CSMD1: variants seen among roughly 807,000 people sequenced by gnomAD.
CSMD1 encodes the protein CUB and Sushi multiple domains 1, also known as CUB and sushi domain-containing protein 1.
Under a neutral mutation model 417.5 loss-of-function variants are expected in CSMD1, and 213 were observed. The observed-to-expected ratio is 0.51, with a 90% CI of 0.46 to 0.57. The LOEUF (loss-of-function observed/expected upper bound fraction) is 0.57. Among genes scored for constraint, CSMD1 ranks in the 20% least tolerant of loss-of-function variants. The probability of loss-of-function intolerance (pLI) is 0.00; values close to 1 mark genes in which losing one functional copy is unlikely to be tolerated. For missense variants in CSMD1, 6,923 were observed against 4,529.7 expected, an observed-to-expected ratio of 1.53 and a Z score of -15.17; for synonymous variants, 2,862 against 1,736.8, an observed-to-expected ratio of 1.65 and a Z score of -16.11.
At chr8:2,965,574 C>T (rs888087910) in intron 59 of CSMD1, among the ~76,000 whole-genome samples, 1 of 152,090 alleles carries the variant, frequency 6.6e-6, no homozygotes, top group Admixed American at 6.5e-5. Context: ...TTTTCCTCTA[C>T]CTCGCTATGA....
chr8:3,409,533 T>C lies in CSMD1; in HGVS notation c.1634A>G (p.His545Arg). The C allele has an allele frequency of 6.2e-7, 1 of 1,611,462 alleles. No individual in the cohort carries two copies. The highest frequency in any genetic ancestry group is 1.1e-5 in the South Asian group (1 of 90,264). Reference sequence around the variant, plus strand: ...GCATTCAAAGGTGAGTGTATCTCCATGGAGGAAACTGCTGCCCGTCCGCTT... The same window carrying C: ...GCATTCAAAGGTGAGTGTATCTCCACGGAGGAAACTGCTGCCCGTCCGCTT... ...YGKRTGSSFL[H>R]GDTLTFECPA... The change falls in exon 13 of 70, where the codon CAT becomes CGT. Residue 545 changes from histidine to arginine, a missense_variant. Transcript: ENST00000635120.
At chr8:4,909,393 C>T (rs139173261) in intron 1 of CSMD1, among the ~76,000 whole-genome samples, 1 of 152,254 alleles carries the variant, frequency 6.6e-6, no homozygotes, top group African/African-American at 2.4e-5. Context: ...GAAGCCATGA[C>T]ACCCACTAAG....
At chr8:4,427,094 C>G (rs978623823) in intron 2 of CSMD1, among the ~76,000 whole-genome samples, 40 of 152,202 alleles carry the variant, frequency 2.6e-4, no homozygotes, top group African/African-American at 8.7e-4. Context: ...GTGGCTGTGG[C>G]TCCTGGGAGG....
chr8:3,029,302 C>G lies in CSMD1; in HGVS notation c.7855+17G>C. The G allele has an allele frequency of 1.3e-6, 2 of 1,568,668 alleles. No individual in the cohort carries two copies. Among genetic ancestry groups the G allele is most frequent in the Non-Finnish European group, 1.7e-6 (2 of 1,155,792 alleles). On this transcript the variant is annotated intron_variant, in intron 51 of 69. Coordinates refer to ENST00000635120, the MANE Select transcript of CSMD1 (RefSeq NM_033225.6). ...TAGGATGCCGTGACTTTCAGGGGTG[C>G]CTCCCTCATCACTTACCTCGACAGC...
intron 1 of CSMD1, among the ~76,000 whole-genome samples, chr8:4,950,981 A>C: frequency 1.0e-5 from 1 of 98,138 alleles, no homozygotes; most frequent in African/African-American, 4.0e-5. Flanking sequence ...CAAAAACAAA[A>C]ACAAAAACAA....
chr8:4,039,773 G>A (rs1490889092), intron 3 of CSMD1, among the ~76,000 whole-genome samples: 2 of 152,290 alleles, frequency 1.3e-5, no homozygotes, highest in Middle Eastern at 3.4e-3. Context: ...GTTGTGGCAA[G>A]CATTTATAGA....
At chr8:2,985,117 T>A (rs760316619) in intron 54 of CSMD1, among the ~76,000 whole-genome samples, 36 of 152,164 alleles carry the variant, frequency 2.4e-4, no homozygotes, top group Non-Finnish European at 7.4e-5. Context: ...CGTCCCAATA[T>A]AAACTGTGAC....
chr8:4,469,260 C>T lies in CSMD1; in HGVS notation c.303-49195G>A, dbSNP rs73660880. On this transcript the variant is annotated intron_variant, in intron 2 of 69. Transcript: ENST00000635120. ...TCATAAAAGGAGCTCAGGGGTCAGG[C>T]TGCAGCAAAGACACTATGATTGTCA... Among the ~76,000 whole-genome samples the T allele has an allele frequency of 5.5e-3, 842 of 152,292 alleles. 6 individuals carry two copies. Among genetic ancestry groups the T allele is most frequent in the African/African-American group, 0.019 (807 of 41,562 alleles).
chr8:4,585,985 C>A (rs534113009), intron 2 of CSMD1, among the ~76,000 whole-genome samples: 133 of 152,220 alleles, frequency 8.7e-4, no homozygotes, highest in African/African-American at 3.2e-3. Flanking sequence ...AAAATTAATT[C>A]AAACTTTTAA....
chr8:4,082,055 T>C (rs1451253787), intron 3 of CSMD1, among the ~76,000 whole-genome samples: 1 of 152,136 alleles, frequency 6.6e-6, no homozygotes, highest in Non-Finnish European at 1.5e-5. Context: ...AAAGGCATTT[T>C]AGGGGAAAGA....
At chr8:4,821,915 T>C (rs1287756230) in intron 1 of CSMD1, among the ~76,000 whole-genome samples, 2 of 152,004 alleles carry the variant, frequency 1.3e-5, no homozygotes, top group Non-Finnish European at 2.9e-5. Context: ...CACATTTGCT[T>C]GCCTGCTTCA....
intron 1 of CSMD1, among the ~76,000 whole-genome samples, chr8:4,862,998 C>A (rs548203575): frequency 6.6e-6 from 1 of 151,922 alleles, no homozygotes; most frequent in Non-Finnish European, 1.5e-5. Context: ...GCAAATACCC[C>A]CGTAGATCAA....
intron 6 of CSMD1, among the ~76,000 whole-genome samples, chr8:3,745,448 G>T (rs1317450741): frequency 6.6e-6 from 1 of 152,212 alleles, no homozygotes; most frequent in African/African-American, 2.4e-5. Context: ...GTGAGTAAAT[G>T]CCAACTTGAC....
intron 2 of CSMD1, among the ~76,000 whole-genome samples, chr8:4,464,419 G>A (rs1033475705): frequency 1.4e-4 from 22 of 152,134 alleles, no homozygotes; most frequent in Non-Finnish European, 2.1e-4. Context: ...GCTTAGCCTT[G>A]CCTACCTTAA....
intron 11 of CSMD1, among the ~76,000 whole-genome samples, chr8:3,472,093 C>G (rs1817137804): frequency 6.6e-6 from 1 of 152,106 alleles, no homozygotes; most frequent in Non-Finnish European, 1.5e-5. Flanking sequence ...CGTGTAGCCC[C>G]TGGCTTGTTG....
chr8:3,429,986 A>G (rs1480003457), intron 12 of CSMD1, among the ~76,000 whole-genome samples: 1 of 152,180 alleles, frequency 6.6e-6, no homozygotes, highest in Non-Finnish European at 1.5e-5. Flanking sequence ...GTATGTATGT[A>G]TGTGTGTATG....
At chr8:4,376,606 AG>A (rs140442457) in intron 3 of CSMD1, among the ~76,000 whole-genome samples, 1 of 152,008 alleles carries the variant, frequency 6.6e-6, no homozygotes, top group Non-Finnish European at 1.5e-5. Flanking sequence ...GACAATTTTT[AG>A]GGGGGAATTA....
At chr8:4,093,104 C>G (rs562762992) in intron 3 of CSMD1, among the ~76,000 whole-genome samples, 2 of 152,082 alleles carry the variant, frequency 1.3e-5, no homozygotes, top group Non-Finnish European at 2.9e-5. Flanking sequence ...AACTCAAAGG[C>G]CCTTGTGCCT....
At chr8:3,833,082 T>C (rs905710471) in intron 5 of CSMD1, among the ~76,000 whole-genome samples, 9 of 152,176 alleles carry the variant, frequency 5.9e-5, no homozygotes, top group Non-Finnish European at 8.8e-5. Context: ...TTTCTGATTT[T>C]TATTTTTATT....
Sources: allele counts gnomAD v4.1 joint callset (sites outside exome capture counted in the v4.1 genomes callset), GRCh38; gene constraint gnomAD v4.1.1; transcripts MANE v1.5; gene names NCBI Gene and HGNC (gene_info 2026-07-23, HGNC 2026-07-21).